DAAM1: variants seen among roughly 807,000 people sequenced by gnomAD.
DAAM1 encodes disheveled-associated activator of morphogenesis 1.
Under a neutral mutation model 130.0 loss-of-function variants are expected in DAAM1, and 52 were observed. The observed-to-expected ratio is 0.40, with a 90% CI of 0.32 to 0.50. DAAM1 has a LOEUF of 0.50. Among genes scored for constraint, DAAM1 ranks in the 20% least tolerant of loss-of-function variants. The pLI, the probability that DAAM1 is intolerant of heterozygous loss-of-function variation, is 0.61. For missense variants in DAAM1, 1,134 were observed against 1,303.8 expected, an observed-to-expected ratio of 0.87 and a Z score of 2.01; for synonymous variants, 452 against 444.5, an observed-to-expected ratio of 1.02 and a Z score of -0.21.
At chr14:59,238,158 C>T (rs1238706339) in intron 1 of DAAM1, among the ~76,000 whole-genome samples, 1 of 152,136 alleles carries the variant, frequency 6.6e-6, no homozygotes, top group African/African-American at 2.4e-5. Flanking sequence ...ATGTCTGTCC[C>T]AGATCCACAG....
chr14:59,224,509 G>A (rs1009704145), intron 1 of DAAM1, among the ~76,000 whole-genome samples: 2 of 152,204 alleles, frequency 1.3e-5, no homozygotes, highest in African/African-American at 2.4e-5. Flanking sequence ...CACGTAACTT[G>A]TTTGATTTCA....
chr14:59,261,420 C>T (rs1378375930), intron 1 of DAAM1, among the ~76,000 whole-genome samples: 1 of 152,150 alleles, frequency 6.6e-6, no homozygotes, highest in African/African-American at 2.4e-5. Flanking sequence ...TGCACATATG[C>T]CAAAGGAATC....
At chr14:59,329,021 A>C (rs1372329519) in intron 12 of DAAM1, among the ~76,000 whole-genome samples, 1 of 152,208 alleles carries the variant, frequency 6.6e-6, no homozygotes, top group East Asian at 1.9e-4. Context: ...AATTCTCTTT[A>C]GGGCAGCACA....
At chr14:59,271,737 CTCTTA>C (rs1350446692) in intron 2 of DAAM1, among the ~76,000 whole-genome samples, 5 of 152,160 alleles carry the variant, frequency 3.3e-5, no homozygotes, top group Non-Finnish European at 7.4e-5. Flanking sequence ...AGCATAATTT[CTCTTA>C]TGACCGAGGC....
chr14:59,302,532 C>T (rs1230027577), intron 3 of DAAM1, among the ~76,000 whole-genome samples: 1 of 152,168 alleles, frequency 6.6e-6, no homozygotes, highest in Non-Finnish European at 1.5e-5. Context: ...GAAGAATGCT[C>T]CTGTCTTGGC....
Position 59,353,905 on chromosome 14 carries a change from C to T in DAAM1, c.2297C>T (p.Ser766Leu), listed in dbSNP as rs766362126. 1.1e-5 allele frequency: 18 copies of T among 1,613,930 alleles called. No individual in the cohort carries two copies. The highest frequency in any genetic ancestry group is 6.7e-5 in the Admixed American group (4 of 59,994). The change falls in exon 19 of 25, where the codon TCG becomes TTG. Residue 766 changes from serine (S) to leucine (L), a missense_variant. Physicochemically the swap from Ser to Leu is moderately radical, Grantham distance 145. This residue lies in a region of DAAM1 where 644 missense variants were observed against 695.9 expected (regional missense o/e 0.93). Coordinates refer to ENST00000360909, the MANE Select transcript of DAAM1 (RefSeq NM_001270520.2). ...AATCACTATCAGCAAAGGTTGCAAT[C>T]GCTGTACTTCAAAAAGAAGTTTGCA... Reference protein sequence around the residue: ...RINHYQQRLQSLYFKKKFAER... With the variant: ...RINHYQQRLQLLYFKKKFAER...
chr14:59,220,679 G>C (rs994141181), intron 1 of DAAM1, among the ~76,000 whole-genome samples: 2 of 152,144 alleles, frequency 1.3e-5, no homozygotes, highest in African/African-American at 4.8e-5. Flanking sequence ...GACCAGGAGA[G>C]CCAATAGCCA....
At chr14:59,344,847 T>G (rs1355247009) in intron 16 of DAAM1, among the ~76,000 whole-genome samples, 1 of 152,222 alleles carries the variant, frequency 6.6e-6, no homozygotes, top group Non-Finnish European at 1.5e-5. Context: ...TTGTTCTCGC[T>G]CTGATTTTCA....
rs542952804 is a variant in DAAM1, at chr14:59,323,644, A to T, written c.774+419A>T. On this transcript the variant is annotated intron_variant, in intron 6 of 24. Transcript: ENST00000360909. ...CAAAGGCTTTTGTATACATGTATGT[A>T]TGATGTAAGAATTTTGAAATTAGAG... Among the ~76,000 whole-genome samples, 4 of 152,352 alleles carry T rather than the reference A, an allele frequency of 2.6e-5. No individual in the cohort carries two copies. The East Asian group carries it at 5.8e-4, about 22-fold the overall frequency.
intron 3 of DAAM1, chr14:59,291,655 A>T: frequency 1.0e-5 from 2 of 197,144 alleles, no homozygotes; most frequent in Non-Finnish European, 2.0e-5. Flanking sequence ...GCCCTCTAAA[A>T]CCACCTTCTG....
At chr14:59,305,411 T>G (rs1884339700) in intron 3 of DAAM1, among the ~76,000 whole-genome samples, 1 of 152,112 alleles carries the variant, frequency 6.6e-6, no homozygotes, top group South Asian at 2.1e-4. Context: ...GATGTTGGAG[T>G]TGTACTGCTT....
chr14:59,339,222 A>C (rs929569459), intron 15 of DAAM1, among the ~76,000 whole-genome samples: 1 of 152,246 alleles, frequency 6.6e-6, no homozygotes, highest in Non-Finnish European at 1.5e-5. Context: ...TGTAGATACA[A>C]CTTTGCAAAA....
At chr14:59,242,122 C>A (rs1371099204) in intron 1 of DAAM1, among the ~76,000 whole-genome samples, 2 of 152,156 alleles carry the variant, frequency 1.3e-5, no homozygotes, top group African/African-American at 2.4e-5. Context: ...AGTCACAGAG[C>A]TACTAAGAGG....
chr14:59,192,322 A>C (rs966845332), intron 1 of DAAM1, among the ~76,000 whole-genome samples: 9 of 152,208 alleles, frequency 5.9e-5, no homozygotes, highest in Non-Finnish European at 1.2e-4. Flanking sequence ...GGGAGATGGC[A>C]TAAAGAGAAA....
intron 1 of DAAM1, among the ~76,000 whole-genome samples, chr14:59,243,694 ATGT>A (rs897954530): frequency 9.2e-5 from 14 of 152,268 alleles, no homozygotes; most frequent in African/African-American, 3.4e-4. Flanking sequence ...GCCTTACTGG[ATGT>A]TTCCTTTCTC....
At chr14:59,201,379 T>A (rs1888099669) in intron 1 of DAAM1, among the ~76,000 whole-genome samples, 1 of 152,022 alleles carries the variant, frequency 6.6e-6, no homozygotes, top group South Asian at 2.1e-4. Context: ...TCCCATTAAC[T>A]TGGGAGGCTG....
chr14:59,315,987 G>A (rs1267413581), intron 4 of DAAM1, among the ~76,000 whole-genome samples: 1 of 152,176 alleles, frequency 6.6e-6, no homozygotes, highest in Non-Finnish European at 1.5e-5. Context: ...TCACATGGAT[G>A]TCTGTGATGT....
chr14:59,307,033 C>G (rs1884404943), intron 3 of DAAM1, among the ~76,000 whole-genome samples: 1 of 152,090 alleles, frequency 6.6e-6, no homozygotes, highest in African/African-American at 2.4e-5. Flanking sequence ...CTGCATTATA[C>G]CTTTATAGAT....
intron 10 of DAAM1, 130 bp downstream of exon 10, chr14:59,326,207 C>A: frequency 1.2e-6 from 1 of 855,378 alleles, no homozygotes; most frequent in South Asian, 1.7e-5. Flanking sequence ...TTTATGACAG[C>A]CAAGTATGTG....
Sources: allele counts gnomAD v4.1 joint callset (sites outside exome capture counted in the v4.1 genomes callset), GRCh38; gene constraint gnomAD v4.1.1; regional missense constraint gnomAD v4.1.1; transcripts MANE v1.5; gene names NCBI Gene and HGNC (gene_info 2026-07-23, HGNC 2026-07-21).